Variants in MBP observed in about 807,000 individuals in gnomAD.
MBP encodes myelin basic protein, also known as Golli-MBP.
Under a neutral mutation model 35.8 loss-of-function variants are expected in MBP, and 16 were observed. That is an observed-to-expected ratio of 0.45 (90% CI 0.30 to 0.68). MBP has a LOEUF of 0.68. Ranked by LOEUF, MBP falls within the 30% of genes least tolerant of loss-of-function variation. MBP has a pLI of 0.08. For missense variants in MBP, 380 were observed against 404.7 expected (o/e 0.94, Z 0.52); for synonymous variants, 143 against 159.6 (o/e 0.90, Z 0.78).
rs755666337 is a variant in MBP, at chr18:76,988,387, G to A, written c.750+108C>T. The stretch of plus-strand genomic sequence containing the variant: ...TGTGGGCAGAGAGGTCTCGAGAGGA[G>A]AGAAAAGGAGGCCAGGAAGCAACCG... On this transcript the variant is annotated intron_variant, in intron 7 of 8. Coordinates refer to ENST00000355994, the MANE Select transcript of MBP (RefSeq NM_001025101.2). The surrounding 1 kb of genome is among the most constrained non-coding windows in gnomAD (Gnocchi z 5.2). 3.1e-5 allele frequency: 50 copies of A among 1,613,702 alleles called. No homozygotes were observed. The highest frequency in any genetic ancestry group is 4.1e-5 in the Non-Finnish European group (48 of 1,179,812).
At chr18:77,118,845 C>A (rs1212786560) in intron 1 of MBP, among the ~76,000 whole-genome samples, 3 of 150,956 alleles carry the variant, frequency 2.0e-5, no homozygotes. Context: ...ACACTACAGA[C>A]ACACACCACA....
At chr18:77,034,565 C>T (rs997617210) in intron 3 of MBP, among the ~76,000 whole-genome samples, 3 of 152,200 alleles carry the variant, frequency 2.0e-5, no homozygotes, top group African/African-American at 7.2e-5. Flanking sequence ...AATAGAAAAA[C>T]AGATGCCTGC....
At chr18:77,046,725 C>T (rs2144664858) in intron 3 of MBP, among the ~76,000 whole-genome samples, 1 of 152,278 alleles carries the variant, frequency 6.6e-6, no homozygotes, top group East Asian at 1.9e-4. Context: ...TCCATAGTCT[C>T]TCCAAAGACT....
intron 1 of MBP, among the ~76,000 whole-genome samples, chr18:77,117,320 AC>A (rs1362236034): frequency 6.6e-6 from 1 of 152,234 alleles, no homozygotes; most frequent in Non-Finnish European, 1.5e-5. Context: ...TAAGACTGCC[AC>A]TGAGCTTGCA....
At chr18:77,026,207 G>A (rs1022169320) in intron 3 of MBP, among the ~76,000 whole-genome samples, 1 of 152,246 alleles carries the variant, frequency 6.6e-6, no homozygotes, top group Non-Finnish European at 1.5e-5. Context: ...CGCTTTTCAC[G>A]CTGGCTTGAC....
chr18:77,041,162 G>A (rs1250352387), intron 3 of MBP, among the ~76,000 whole-genome samples: 2 of 152,044 alleles, frequency 1.3e-5, no homozygotes, highest in Admixed American at 1.3e-4. Context: ...ATGCAGCCAA[G>A]AGACACATGA....
rs371896595 is a variant in MBP, at chr18:77,009,905, G to A, written c.576+6927C>T. On this transcript the variant is annotated intron_variant, in intron 4 of 8. Coordinates refer to ENST00000355994, the MANE Select transcript of MBP (RefSeq NM_001025101.2). Reference sequence around the variant, plus strand: ...CGGGCATGAGAGGGCAGAGGGCTCCGGCCCGGCTTTAGCCAGGGTACCTGC... The same window carrying A: ...CGGGCATGAGAGGGCAGAGGGCTCCAGCCCGGCTTTAGCCAGGGTACCTGC... 444 of 1,593,168 alleles carry A rather than the reference G, an allele frequency of 2.8e-4. 3 individuals are homozygous for A. In the South Asian group the frequency reaches 3.5e-3, roughly 13 times the overall value.
chr18:77,095,897 T>C (rs1427952061), intron 2 of MBP, among the ~76,000 whole-genome samples: 1 of 152,210 alleles, frequency 6.6e-6, no homozygotes, highest in Admixed American at 6.5e-5. Context: ...GACACCTCCG[T>C]CAGCAAAAAC....
At position 76,979,640 on chromosome 18, in the gene MBP, G is replaced by T; in HGVS notation, c.*787C>A. ...CTCTGGGGCCACCATGCAGGGCAAC[G>T]GTGACGTCCAGAGGCCACCTGCTTG... is the stretch of plus-strand genomic sequence containing the variant. On this transcript the variant is annotated 3_prime_UTR_variant, in exon 9 of 9. Transcript: ENST00000355994. 1 of 389,704 alleles carries T rather than the reference G, an allele frequency of 2.6e-6. No homozygotes were observed. 24.1% of individuals were successfully genotyped at this position (389,704 alleles called of 1,614,324 possible).
At chr18:77,010,618 G>A (rs981243266) in intron 4 of MBP, among the ~76,000 whole-genome samples, 1 of 152,204 alleles carries the variant, frequency 6.6e-6, no homozygotes, top group African/African-American at 2.4e-5. Flanking sequence ...ATTATTCCTT[G>A]GTACTGGTGA....
At chr18:77,079,266 C>T (rs555555651) in intron 2 of MBP, among the ~76,000 whole-genome samples, 7 of 152,314 alleles carry the variant, frequency 4.6e-5, no homozygotes, top group Middle Eastern at 3.4e-3. Flanking sequence ...ACGCTGAGCT[C>T]TTAACCCTGA....
At chr18:77,059,333 T>C (rs1465189290) in intron 3 of MBP, among the ~76,000 whole-genome samples, 2 of 152,108 alleles carry the variant, frequency 1.3e-5, no homozygotes, top group South Asian at 2.1e-4. Flanking sequence ...AAATGGAAAA[T>C]GGGACAGTTA....
At chr18:77,088,105 C>T (rs566267112) in intron 2 of MBP, among the ~76,000 whole-genome samples, 3 of 152,288 alleles carry the variant, frequency 2.0e-5, no homozygotes, top group South Asian at 2.1e-4. Flanking sequence ...ACCCTGGCCA[C>T]GCATGGCCAC....
intron 2 of MBP, among the ~76,000 whole-genome samples, chr18:77,077,977 C>T (rs1029655305): frequency 5.3e-5 from 8 of 152,328 alleles, no homozygotes; most frequent in African/African-American, 1.7e-4. Flanking sequence ...GCCATCCTCC[C>T]GAGAGCTGCA....
In MBP at chr18:76,986,898, G is replaced by A. The variant is rs982231323; in HGVS notation, c.750+1597C>T. On this transcript the variant is annotated intron_variant, in intron 7 of 8. Transcript: ENST00000355994. ...GTCATGTTTATCTTTGGGGAACCTA[G>A]AATGTACCAGGAAACACACAACACA... 4.7e-5 allele frequency: 46 copies of A among 985,410 alleles called. No homozygotes were observed. In the South Asian group the frequency reaches 2.1e-3, roughly 44 times the overall value. 61.0% of individuals were successfully genotyped at this position (985,410 alleles called of 1,614,324 possible).
At chr18:77,071,099 G>T (rs76002979) in intron 2 of MBP, among the ~76,000 whole-genome samples, 3,730 of 152,272 alleles carry the variant, frequency 0.024, 121 homozygotes, top group East Asian at 0.1. Flanking sequence ...GGCCCAGAGG[G>T]TAAGTTTCTA....
rs56002600 is a variant in MBP, at chr18:77,077,357, C to CAAAAA, written c.52-10977_52-10973dup. On this transcript the variant is annotated intron_variant, in intron 2 of 8. Coordinates refer to ENST00000355994, the MANE Select transcript of MBP (RefSeq NM_001025101.2). ...GGGCAACAAGAGTGAGACTCCGTCGCAAAAAAAAAAAAAAAAAAATTAAAA... is the reference window on the plus strand; with the variant it reads ...GGGCAACAAGAGTGAGACTCCGTCGCAAAAAAAAAAAAAAAAAAAAAAAATTAAAA... 9.9e-4 allele frequency among the ~76,000 whole-genome samples: 107 copies of CAAAAA among 107,622 alleles called. 1 individual carries two copies. The highest frequency in any genetic ancestry group is 9.5e-3 in the Middle Eastern group (2 of 210). 70.6% of individuals were successfully genotyped at this position (107,622 alleles called of 152,430 possible). A position where few individuals can be genotyped will look rare whatever the true frequency, so the allele number is the denominator to read the frequency against.
rs938919687 is a variant in MBP, at chr18:77,101,968, G to T, written c.51+3243C>A. The stretch of plus-strand genomic sequence containing the variant: ...ATCTGTAAGCCAGTTATGTGCTGGG[G>T]ATGCTCCAGGCTTAGAGACGGAGGC... On this transcript the variant is annotated intron_variant, in intron 2 of 8. Transcript: ENST00000355994. The surrounding 1 kb of genome is among the most constrained non-coding windows in gnomAD (Gnocchi z 4.3). Among the ~76,000 whole-genome samples the T allele has an allele frequency of 2.0e-5, 3 of 152,230 alleles. No individual in the cohort carries two copies. The highest frequency in any genetic ancestry group is 7.2e-5 in the African/African-American group (3 of 41,450).
intron 2 of MBP, among the ~76,000 whole-genome samples, chr18:77,081,763 T>G (rs71357314): frequency 8.6e-6 from 1 of 116,628 alleles, no homozygotes; most frequent in Non-Finnish European, 1.8e-5. Context: ...TATATATATA[T>G]ATATACACAC....
Sources: gnomAD v4.1 joint callset for allele counts (sites outside exome capture counted in the v4.1 genomes callset) on GRCh38, gnomAD v4.1.1 for gene constraint, Gnocchi (gnomAD v3.1) non-coding constraint, MANE v1.5 for transcripts, NCBI Gene and HGNC (gene_info 2026-07-23, HGNC 2026-07-21) for gene names.